Variants in EPHA6 observed in about 807,000 individuals in gnomAD.
EPHA6 encodes the protein EPH receptor A6.
EPHA6 carries 50 observed loss-of-function variants against 112.0 expected under a neutral mutation model. The observed-to-expected ratio is 0.45, with a 90% confidence interval of 0.36 to 0.56. The LOEUF (loss-of-function observed/expected upper bound fraction) is 0.56, where lower values mean the gene tolerates loss of function less well. EPHA6 is among the 20% of genes least tolerant of loss of function. EPHA6 has a pLI of 0.00. For missense variants in EPHA6, 1,280 were observed against 1,417.4 expected, an observed-to-expected ratio of 0.90 and a Z score of 1.56; for synonymous variants, 529 against 490.7, an observed-to-expected ratio of 1.08 and a Z score of -1.03.
chr3:97,595,902 CTT>C lies in EPHA6; in HGVS notation c.2512+3185_2512+3186del, dbSNP rs1198606431. The stretch of plus-strand genomic sequence containing the variant: ...TTAAATATGTTATCAGACATATTCT[CTT>C]TTTTTTTTTTTTTTTTTTTGAGACG... On this transcript the variant is annotated intron_variant, in intron 12 of 17. Transcript: ENST00000389672. 4.1e-3 allele frequency among the ~76,000 whole-genome samples: 471 copies of C among 115,004 alleles called. 1 individual carries two copies. The highest frequency in any genetic ancestry group is 0.015 in the African/African-American group (401 of 27,164). 75.4% of individuals were successfully genotyped at this position (115,004 alleles called of 152,430 possible). A position where few individuals can be genotyped will look rare whatever the true frequency, so the allele number is the denominator to read the frequency against.
intron 11 of EPHA6, among the ~76,000 whole-genome samples, chr3:97,537,044 A>G (rs2092774044): frequency 2.0e-5 from 3 of 152,188 alleles, no homozygotes; most frequent in Admixed American, 1.3e-4. Flanking sequence ...TCAGGTGCAT[A>G]TTGATGACCC....
chr3:97,632,299 C>T (rs1377600931), intron 13 of EPHA6, among the ~76,000 whole-genome samples: 1 of 151,940 alleles, frequency 6.6e-6, no homozygotes, highest in East Asian at 1.9e-4. Context: ...ATCCACTGTG[C>T]CAGGCAAGGT....
chr3:97,612,006 T>C (rs931708304), intron 13 of EPHA6, among the ~76,000 whole-genome samples: 2 of 151,950 alleles, frequency 1.3e-5, no homozygotes, highest in Non-Finnish European at 2.9e-5. Context: ...AATCATCAAG[T>C]TATTATAGAG....
intron 3 of EPHA6, among the ~76,000 whole-genome samples, chr3:96,995,257 G>T (rs575643095): frequency 6.6e-6 from 1 of 152,176 alleles, no homozygotes; most frequent in African/African-American, 2.4e-5. Flanking sequence ...AGAAATATGA[G>T]ATACCAGGAT....
rs150701602 is a variant in EPHA6 at position 96,991,878 on chromosome 3, G to A, written c.1114+3885G>A. On this transcript the variant is annotated intron_variant, in intron 3 of 17. Transcript: ENST00000389672. ...TAATTGGAAAATTTTCTCCCATTCCGAAAGGCAGGGAACACAACAGTCACT... is the reference window on the plus strand; with the variant it reads ...TAATTGGAAAATTTTCTCCCATTCCAAAAGGCAGGGAACACAACAGTCACT... Among the ~76,000 whole-genome samples the A allele has an allele frequency of 8.3e-4, 126 of 152,224 alleles. 1 individual carries two copies. Among genetic ancestry groups the A allele is most frequent in the African/African-American group, 2.9e-3 (120 of 41,538 alleles).
intron 11 of EPHA6, among the ~76,000 whole-genome samples, chr3:97,574,909 G>A (rs1044396486): frequency 3.2e-4 from 49 of 151,832 alleles, no homozygotes; most frequent in African/African-American, 1.1e-3. Context: ...CTACCTATTG[G>A]GTACTATATT....
intron 13 of EPHA6, among the ~76,000 whole-genome samples, chr3:97,626,544 A>G (rs1404759087): frequency 6.6e-6 from 1 of 151,776 alleles, no homozygotes; most frequent in Non-Finnish European, 1.5e-5. Flanking sequence ...TCCATGCTAG[A>G]TAAAGAAGGA....
chr3:97,551,671 G>T (rs1459862068), intron 11 of EPHA6, among the ~76,000 whole-genome samples: 1 of 152,054 alleles, frequency 6.6e-6, no homozygotes, highest in African/African-American at 2.4e-5. Flanking sequence ...GCACCTCTGT[G>T]ACTTTGTCAC....
intron 14 of EPHA6, among the ~76,000 whole-genome samples, chr3:97,678,082 A>C (rs2107674860): frequency 6.6e-6 from 1 of 152,290 alleles, no homozygotes; most frequent in African/African-American, 2.4e-5. Flanking sequence ...TCAGAAACAA[A>C]GTCTTCAAGA....
intron 15 of EPHA6, among the ~76,000 whole-genome samples, chr3:97,721,663 A>T (rs1388179925): frequency 6.6e-6 from 1 of 152,160 alleles, no homozygotes; most frequent in African/African-American, 2.4e-5. Flanking sequence ...ATAACCAGCA[A>T]CCTTTGCTCC....
intron 6 of EPHA6, among the ~76,000 whole-genome samples, chr3:97,428,273 G>A (rs1041253983): frequency 1.3e-5 from 2 of 151,956 alleles, no homozygotes; most frequent in African/African-American, 2.4e-5. Flanking sequence ...TTATAAGTAA[G>A]GAAATGATAA....
Position 97,610,870 on chromosome 3 carries a change from C to T in EPHA6, c.2574+16C>T, listed in dbSNP as rs372683862. The T allele has an allele frequency of 1.7e-5, 27 of 1,586,744 alleles. No homozygotes were observed. The highest frequency in any genetic ancestry group is 2.1e-5 in the Non-Finnish European group (24 of 1,157,260). Reference sequence around the variant, plus strand: ...CTTTTTGCGGGTGAGGTGTTCTTTTCTGATGGCATTTAAATAAGCTATTCT... The same window carrying T: ...CTTTTTGCGGGTGAGGTGTTCTTTTTTGATGGCATTTAAATAAGCTATTCT... On this transcript the variant is annotated intron_variant, in intron 13 of 17. Transcript: ENST00000389672.
At chr3:97,111,110 A>G (rs2108282153) in intron 3 of EPHA6, among the ~76,000 whole-genome samples, 1 of 152,216 alleles carries the variant, frequency 6.6e-6, no homozygotes, top group Non-Finnish European at 1.5e-5. Flanking sequence ...AAACTCTCCC[A>G]AACTCAGCCA....
chr3:97,369,308 A>G (rs534460305), intron 5 of EPHA6, among the ~76,000 whole-genome samples: 30 of 152,268 alleles, frequency 2.0e-4, no homozygotes, highest in African/African-American at 6.7e-4. Flanking sequence ...TTAAGGGGTC[A>G]AGTGTGAAAG....
chr3:96,981,779 T>G (rs915191595), intron 2 of EPHA6, among the ~76,000 whole-genome samples: 1 of 152,148 alleles, frequency 6.6e-6, no homozygotes, highest in African/African-American at 2.4e-5. Flanking sequence ...TGGTTTAGTC[T>G]TGGTAGGGTG....
At chr3:97,374,982 A>G (rs1650709281) in intron 5 of EPHA6, among the ~76,000 whole-genome samples, 2 of 152,158 alleles carry the variant, frequency 1.3e-5, no homozygotes, top group South Asian at 2.1e-4. Context: ...ATATTTATTG[A>G]AAACCTACTA....
At chr3:97,060,043 G>C (rs1333602392) in intron 3 of EPHA6, among the ~76,000 whole-genome samples, 1 of 151,936 alleles carries the variant, frequency 6.6e-6, no homozygotes, top group African/African-American at 2.4e-5. Context: ...ATCACTGGAA[G>C]CCGGGAGGCA....
At chr3:97,080,511 G>A (rs939487727) in intron 3 of EPHA6, among the ~76,000 whole-genome samples, 1 of 152,084 alleles carries the variant, frequency 6.6e-6, no homozygotes, top group African/African-American at 2.4e-5. Flanking sequence ...TATTCAAAGA[G>A]TATGTAATGA....
intron 3 of EPHA6, among the ~76,000 whole-genome samples, chr3:97,144,146 G>A (rs1447750798): frequency 6.6e-6 from 1 of 151,580 alleles, no homozygotes; most frequent in Non-Finnish European, 1.5e-5. Flanking sequence ...TTTAACATAA[G>A]TGACTCTATT....
Sources: allele counts gnomAD v4.1 joint callset (sites outside exome capture counted in the v4.1 genomes callset), GRCh38; gene constraint gnomAD v4.1.1; transcripts MANE v1.5; gene names NCBI Gene and HGNC (gene_info 2026-07-23, HGNC 2026-07-21).